Variants in METAP1D observed in about 807,000 individuals in gnomAD.
METAP1D encodes the protein methionyl aminopeptidase type 1D, mitochondrial, also known as methionine aminopeptidase 1D, mitochondrial.
A neutral mutation model predicts 40.5 loss-of-function variants in METAP1D; 31 were observed. The observed-to-expected ratio is 0.77, with a 90% CI of 0.58 to 1.03. The LOEUF (loss-of-function observed/expected upper bound fraction) is 1.03. METAP1D is among the 50% of genes least tolerant of loss of function. METAP1D has a pLI of 0.00. For missense variants in METAP1D, 411 were observed against 420.7 expected (o/e 0.98, Z 0.20); for synonymous variants, 151 against 146.4 (o/e 1.03, Z -0.22).
chr2:172,026,772 TA>T (rs1689128601), intron 1 of METAP1D, among the ~76,000 whole-genome samples: 1 of 152,338 alleles, frequency 6.6e-6, no homozygotes, highest in Non-Finnish European at 1.5e-5. Context: ...TTGAGGGCTC[TA>T]GAGTGAAATC....
intron 1 of METAP1D, among the ~76,000 whole-genome samples, chr2:172,000,945 G>C (rs953116764): frequency 6.6e-6 from 1 of 152,156 alleles, no homozygotes; most frequent in South Asian, 2.1e-4. Context: ...AGAGGCTGCA[G>C]TGAGCCGTGA....
chr2:172,078,751 T>C (rs1690617905), intron 7 of METAP1D, among the ~76,000 whole-genome samples: 2 of 152,132 alleles, frequency 1.3e-5, no homozygotes, highest in African/African-American at 4.8e-5. Flanking sequence ...CTGGTGCCAA[T>C]GTCTGGAGTG....
Position 172,008,099 on chromosome 2 carries a change from G to A in METAP1D, c.40+8090G>A, listed in dbSNP as rs558368970. 1.3e-3 allele frequency among the ~76,000 whole-genome samples: 168 copies of A among 133,594 alleles called. 1 individual carries two copies. Among genetic ancestry groups the A allele is most frequent in the Non-Finnish European group, 1.4e-3 (91 of 63,378 alleles). The allele number at this position is 133,594 out of a possible 152,430, so 87.6% of individuals were successfully genotyped here. A position where few individuals can be genotyped will look rare whatever the true frequency, so the allele number is the denominator to read the frequency against. ...TTGGTTCTGTGGAGCTTTGCATTTT[G>A]TGGATTTTGCTGATGGTATTATATT... On this transcript the variant is annotated intron_variant, in intron 1 of 9. Coordinates refer to ENST00000315796, the MANE Select transcript of METAP1D (RefSeq NM_199227.3).
intron 1 of METAP1D, among the ~76,000 whole-genome samples, chr2:172,011,677 T>C (rs905329549): frequency 1.3e-5 from 2 of 152,238 alleles, no homozygotes; most frequent in African/African-American, 2.4e-5. Flanking sequence ...TTCTTTCATT[T>C]AGCATGATGT....
At chr2:172,059,339 G>A (rs1172117339) in intron 1 of METAP1D, among the ~76,000 whole-genome samples, 1 of 151,956 alleles carries the variant, frequency 6.6e-6, no homozygotes, top group African/African-American at 2.4e-5. Flanking sequence ...ACTCAGCCTT[G>A]CATCTTTTTT....
intron 1 of METAP1D, among the ~76,000 whole-genome samples, chr2:172,032,928 G>A (rs778905392): frequency 1.3e-4 from 19 of 152,000 alleles, no homozygotes; most frequent in Non-Finnish European, 2.6e-4. Context: ...GCCTGGTGGC[G>A]GGCGTCTGTA....
rs760935736 is a variant in METAP1D at position 172,071,064 on chromosome 2, C to T, written c.698C>T (p.Thr233Ile). 2.5e-6 allele frequency: 4 copies of T among 1,608,520 alleles called. No individual in the cohort carries two copies. In the South Asian group the frequency reaches 3.3e-5, roughly 13 times the overall value. Residue 233 changes from threonine to isoleucine, a missense_variant, in exon 6 of 10, where the codon ACA (threonine) becomes ATA (isoleucine). Physicochemically the swap from Thr to Ile is moderately conservative, Grantham distance 89. Coordinates refer to ENST00000315796, the MANE Select transcript of METAP1D (RefSeq NM_199227.3). ...GCTCCCTTCTCTGTAATTGGAAACA[C>T]AATCAGGTAAGCCTTACATTGACAA... ...AGAPFSVIGN[T>I]ISHITHQNGF...
chr2:172,031,287 T>C (rs1266780792), intron 1 of METAP1D, among the ~76,000 whole-genome samples: 2 of 151,952 alleles, frequency 1.3e-5, no homozygotes, highest in Non-Finnish European at 2.9e-5. Context: ...AAGGAATGAG[T>C]TGGGTATGTT....
At chr2:172,012,787 T>C (rs142731228) in intron 1 of METAP1D, among the ~76,000 whole-genome samples, 1 of 152,330 alleles carries the variant, frequency 6.6e-6, no homozygotes, top group African/African-American at 2.4e-5. Flanking sequence ...TAAATGTTGA[T>C]GACTTCCTGC....
chr2:172,045,837 A>ATG (rs1689750098), intron 1 of METAP1D, among the ~76,000 whole-genome samples: 1 of 94,072 alleles, frequency 1.1e-5, no homozygotes, highest in Non-Finnish European at 2.2e-5. Flanking sequence ...ATATATATAT[A>ATG]TATATATATA....
rs1205955454 is a variant in METAP1D at position 172,043,108 on chromosome 2, TATATA to T, written c.41-18389_41-18385del. ...ATATATTTACATACATATATATATA[TATATA>T]TATATTTTTTGGGATACAGGATCTC... On this transcript the variant is annotated intron_variant, in intron 1 of 9. Coordinates refer to ENST00000315796, the MANE Select transcript of METAP1D (RefSeq NM_199227.3). Among the ~76,000 whole-genome samples the T allele has an allele frequency of 7.0e-3, 225 of 31,978 alleles. 39 individuals carry two copies. The highest frequency in any genetic ancestry group is 0.032 in the Middle Eastern group (3 of 94). The allele number at this position is 31,978 out of a possible 152,430, so 21.0% of individuals were successfully genotyped here. A position where few individuals can be genotyped will look rare whatever the true frequency, so the allele number is the denominator to read the frequency against.
Position 172,071,021 on chromosome 2 carries a change from G to A in METAP1D, c.655G>A (p.Ala219Thr), listed in dbSNP as rs1690408980. 1 of 1,613,050 alleles carries A rather than the reference G, an allele frequency of 6.2e-7. No individual in the cohort carries two copies. Among genetic ancestry groups the A allele is most frequent in the South Asian group, 1.1e-5 (1 of 90,992 alleles). Residue 219 changes from alanine to threonine, a missense_variant, in exon 6 of 10, where the codon GCA becomes ACA. Physicochemically the swap from Ala to Thr is moderately conservative, Grantham distance 58. Coordinates refer to ENST00000315796, the MANE Select transcript of METAP1D (RefSeq NM_199227.3). ...VARRCRDEAI[A>T]ACRAGAPFSV... ...CAGGAGGTGTAGAGATGAAGCAATTGCAGCTTGCAGAGCAGGGGCTCCCTT... is the reference window on the plus strand; with the variant it reads ...CAGGAGGTGTAGAGATGAAGCAATTACAGCTTGCAGAGCAGGGGCTCCCTT...
rs1461546862 is a variant in METAP1D, at chr2:172,042,670, T to C, written c.41-18828T>C. On this transcript the variant is annotated intron_variant, in intron 1 of 9. Transcript: ENST00000315796. ...GTGTATGTGTATATGTGTACACATA[T>C]ACGTGTGTATGTGTATATGTGTACA... 1.0e-4 allele frequency among the ~76,000 whole-genome samples: 2 copies of C among 19,664 alleles called. 1 individual carries two copies. The highest frequency in any genetic ancestry group is 2.8e-4 in the Non-Finnish European group (2 of 7,192). The allele number at this position is 19,664 out of a possible 152,430, so 12.9% of individuals were successfully genotyped here. A position where few individuals can be genotyped will look rare whatever the true frequency, so the allele number is the denominator to read the frequency against.
At chr2:172,063,950 G>GTTTTAA in intron 3 of METAP1D, 90 bp downstream of exon 3, 1 of 1,353,940 alleles carries the variant, frequency 7.4e-7, no homozygotes, top group East Asian at 2.8e-5. Context: ...CTTTTAGGTT[G>GTTTTAA]ACATCTAATT....
chr2:172,077,972 G>T, intron 7 of METAP1D, 78 bp downstream of exon 7: 1 of 633,374 alleles, frequency 1.6e-6, no homozygotes, highest in Non-Finnish European at 2.8e-6. Flanking sequence ...CTCTTCCTCT[G>T]ACTTTGAATC....
At chr2:172,078,006 G>T in intron 7 of METAP1D, 112 bp downstream of exon 7, 2 of 530,346 alleles carry the variant, frequency 3.8e-6, no homozygotes, top group Non-Finnish European at 3.5e-6. Context: ...TTGTGTTTGT[G>T]TGTGTGTTTA....
intron 1 of METAP1D, among the ~76,000 whole-genome samples, chr2:172,050,581 T>C (rs942673141): frequency 6.6e-6 from 1 of 152,180 alleles, no homozygotes; most frequent in Non-Finnish European, 1.5e-5. Context: ...TTAACCAAAG[T>C]GTGTGAGGTA....
chr2:172,044,404 C>CAA lies in METAP1D; in HGVS notation c.41-17073_41-17072dup, dbSNP rs782088377. 1.2e-3 allele frequency among the ~76,000 whole-genome samples: 81 copies of CAA among 69,198 alleles called. 4 individuals are homozygous for CAA. Among genetic ancestry groups the CAA allele is most frequent in the Admixed American group, 1.6e-3 (10 of 6,128 alleles). The allele number at this position is 69,198 out of a possible 152,430, so 45.4% of individuals were successfully genotyped here. A position where few individuals can be genotyped will look rare whatever the true frequency, so the allele number is the denominator to read the frequency against. ...TGAAACCCTGTCTCTCTTAAAAATACAAAAAAAAAAAAAAAAAAAAAACCC... is the reference window on the plus strand; with the variant it reads ...TGAAACCCTGTCTCTCTTAAAAATACAAAAAAAAAAAAAAAAAAAAAAAACCC... On this transcript the variant is annotated intron_variant, in intron 1 of 9. Transcript: ENST00000315796.
At chr2:172,078,614 C>T (rs1690610681) in intron 7 of METAP1D, among the ~76,000 whole-genome samples, 2 of 152,130 alleles carry the variant, frequency 1.3e-5, no homozygotes, top group African/African-American at 2.4e-5. Flanking sequence ...TCTTTCGGAC[C>T]CATGCCCTCG....
Sources: allele counts gnomAD v4.1 joint callset (sites outside exome capture counted in the v4.1 genomes callset), GRCh38; gene constraint gnomAD v4.1.1; transcripts MANE v1.5; gene names NCBI Gene and HGNC (gene_info 2026-07-23, HGNC 2026-07-21).